TPM3: variants seen among roughly 807,000 people sequenced by gnomAD.
The protein encoded by TPM3 is tropomyosin 3.
In TPM3, 16 loss-of-function variants were observed where a neutral mutation model predicts 43.1. The observed-to-expected ratio is 0.37, with a 90% confidence interval of 0.25 to 0.56. The LOEUF (loss-of-function observed/expected upper bound fraction) is 0.56, where lower values mean the gene tolerates loss of function less well. TPM3 is among the 20% of genes least tolerant of loss of function. The pLI is 0.77. For synonymous variants in TPM3, 101 were observed against 116.9 expected (o/e 0.86, Z 0.88); for missense variants, 176 against 337.2 (o/e 0.52, Z 3.74).
In TPM3 at chr1:154,167,538, G is replaced by C; in HGVS notation, c.*399C>G. The C allele has an allele frequency of 9.0e-7, 1 of 1,106,742 alleles. No homozygotes were observed. The highest frequency in any genetic ancestry group is 1.1e-6 in the Non-Finnish European group (1 of 903,302). 68.6% of individuals were successfully genotyped at this position (1,106,742 alleles called of 1,614,324 possible). A position where few individuals can be genotyped will look rare whatever the true frequency, so the allele number is the denominator to read the frequency against. On this transcript the variant is annotated 3_prime_UTR_variant, in exon 10 of 10. Coordinates refer to ENST00000651641, the MANE Select transcript of TPM3 (RefSeq NM_152263.4). ...AGTATAACTAAAATTACTATCCTGA[G>C]TAACCTGTACTAAATCCATCACTCT...
In TPM3 at chr1:154,164,810, G is replaced by A. The variant is rs1334200763; in HGVS notation, c.*3127C>T. On this transcript the variant is annotated 3_prime_UTR_variant, in exon 10 of 10. Coordinates refer to ENST00000651641, the MANE Select transcript of TPM3 (RefSeq NM_152263.4). ...AATATGGAAAAAGCCATCAAAAATG[G>A]TAACATAAATGGCTGAAATGTGAGA... is the stretch of plus-strand genomic sequence containing the variant. Among the ~76,000 whole-genome samples, 1 of 152,180 alleles carries A rather than the reference G, an allele frequency of 6.6e-6. No individual in the cohort carries two copies. The highest frequency in any genetic ancestry group is 1.5e-5 in the Non-Finnish European group (1 of 68,028).
chr1:154,176,330 G>C, intron 2 of TPM3, 82 bp from the exon 3 acceptor site: 1 of 1,601,148 alleles, frequency 6.2e-7, no homozygotes, highest in Non-Finnish European at 8.5e-7. Flanking sequence ...GATCAGGGTT[G>C]ACTACCATGA....
Position 154,164,500 on chromosome 1 carries a change from C to G in TPM3, c.*3437G>C, listed in dbSNP as rs1287037467. On this transcript the variant is annotated 3_prime_UTR_variant, in exon 10 of 10. Coordinates refer to ENST00000651641, the MANE Select transcript of TPM3 (RefSeq NM_152263.4). The stretch of plus-strand genomic sequence containing the variant: ...AAAACCAGTCATCCTTGTCTTTCCT[C>G]CTCACATCAAGTGGCCAGGCCTTTC... 6.6e-6 allele frequency among the ~76,000 whole-genome samples: 1 copy of G among 152,158 alleles called. No individual in the cohort carries two copies. Among genetic ancestry groups the G allele is most frequent in the Non-Finnish European group, 1.5e-5 (1 of 68,026 alleles).
intron 2 of TPM3, chr1:154,183,287 G>A (rs371535834): frequency 3.7e-5 from 56 of 1,507,264 alleles, no homozygotes; most frequent in Middle Eastern, 2.3e-4. Flanking sequence ...AGGCAGGCGG[G>A]AAGGCAGTCC....
Position 154,162,260 on chromosome 1 carries a change from G to A in TPM3, c.*5677C>T, listed in dbSNP as rs1660450018. ...CGTGCCTGTAATCCCAGCTATTCAG[G>A]AGGCTGAGGCAGGAGGATCACTTAA... On this transcript the variant is annotated 3_prime_UTR_variant, in exon 10 of 10. Transcript: ENST00000651641. Among the ~76,000 whole-genome samples the A allele has an allele frequency of 6.6e-6, 1 of 150,760 alleles. No individual in the cohort carries two copies. The highest frequency in any genetic ancestry group is 1.5e-5 in the Non-Finnish European group (1 of 67,884).
At chr1:154,172,723 C>T (rs1001275694) in intron 5 of TPM3, 185 bp downstream of exon 5, 2 of 729,442 alleles carry the variant, frequency 2.7e-6, no homozygotes, top group African/African-American at 3.5e-5. Context: ...TGTCACTTGT[C>T]ACTAGTCAGG....
intron 5 of TPM3, chr1:154,172,340 C>T (rs779506096): frequency 4.8e-5 from 33 of 684,964 alleles, no homozygotes; most frequent in East Asian, 1.2e-4. Flanking sequence ...AAGGTACCGA[C>T]GGGAGAGCAG....
intron 3 of TPM3, among the ~76,000 whole-genome samples, chr1:154,175,853 G>T (rs1458486780): frequency 6.6e-6 from 1 of 152,148 alleles, no homozygotes; most frequent in Non-Finnish European, 1.5e-5. Context: ...GATGGAGTTA[G>T]TATTTTATTT....
intron 2 of TPM3, among the ~76,000 whole-genome samples, chr1:154,180,921 T>C (rs921242913): frequency 1.3e-5 from 2 of 149,882 alleles, no homozygotes; most frequent in Admixed American, 6.6e-5. Context: ...CAAGTCTCCA[T>C]CTAAAAAAAA....
chr1:154,157,628 A>C (rs918394942), downstream of TPM3: 2 of 776,676 alleles, frequency 2.6e-6, no homozygotes, highest in Non-Finnish European at 2.4e-6. Flanking sequence ...GCAGGGTGGG[A>C]CTGGGGCGTT....
At chr1:154,175,878 A>G (rs973721856) in intron 3 of TPM3, among the ~76,000 whole-genome samples, 13 of 152,178 alleles carry the variant, frequency 8.5e-5, no homozygotes, top group African/African-American at 3.1e-4. Context: ...TGACTGATTG[A>G]CACAGGGTCT....
chr1:154,168,917 C>T (rs1354151958), intron 9 of TPM3, among the ~76,000 whole-genome samples: 1 of 151,806 alleles, frequency 6.6e-6, no homozygotes, highest in African/African-American at 2.4e-5. Context: ...TCACTGTAAC[C>T]TCTGCCTCCC....
At position 154,167,820 on chromosome 1, in the gene TPM3, C is replaced by G; in HGVS notation, c.*117G>C. On this transcript the variant is annotated 3_prime_UTR_variant, in exon 10 of 10. Coordinates refer to ENST00000651641, the MANE Select transcript of TPM3 (RefSeq NM_152263.4). ...CATAAGTTGCTTTTTGCTCCCCCAT[C>G]CTAATGCCTTGGGGACCAGCCAGGC... The G allele has an allele frequency of 6.2e-7, 1 of 1,607,154 alleles. No homozygotes were observed. The highest frequency in any genetic ancestry group is 8.5e-7 in the Non-Finnish European group (1 of 1,176,408).
chr1:154,189,873 G>A lies in TPM3; in HGVS notation c.243+1313C>T, dbSNP rs114728393. 3.6e-3 allele frequency among the ~76,000 whole-genome samples: 540 copies of A among 151,124 alleles called. 4 individuals are homozygous for A. The highest frequency in any genetic ancestry group is 0.013 in the African/African-American group (522 of 41,134). On this transcript the variant is annotated intron_variant, in intron 2 of 9. Transcript: ENST00000651641. ...GCAGAGAGACCAAATATGAGGATCC[G>A]AAAGCATTTATGAATGGTTCACTCT... is the stretch of plus-strand genomic sequence containing the variant.
intron 2 of TPM3, among the ~76,000 whole-genome samples, chr1:154,181,868 C>G (rs1297686102): frequency 2.0e-5 from 3 of 152,086 alleles, no homozygotes; most frequent in African/African-American, 7.2e-5. Flanking sequence ...TTGCAATGAG[C>G]CGAGATCATG....
chr1:154,171,133 A>G (rs1661529776), intron 6 of TPM3: 1 of 582,088 alleles, frequency 1.7e-6, no homozygotes, highest in Non-Finnish European at 3.1e-6. Context: ...TCTGTCTGCT[A>G]GAAAGCCTGT....
intron 2 of TPM3, chr1:154,183,366 C>A: frequency 7.4e-7 from 1 of 1,348,234 alleles, no homozygotes; most frequent in Non-Finnish European, 9.8e-7. Context: ...CCGGCCTTAC[C>A]TTGGGCCAGT....
chr1:154,190,156 G>A, intron 2 of TPM3, among the ~76,000 whole-genome samples: 1 of 152,264 alleles, frequency 6.6e-6, no homozygotes, highest in East Asian at 1.9e-4. Context: ...TGGCCAGGCT[G>A]GTCTCAAACT....
At chr1:154,177,946 C>A (rs764634472) in intron 2 of TPM3, among the ~76,000 whole-genome samples, 18 of 152,204 alleles carry the variant, frequency 1.2e-4, no homozygotes, top group Non-Finnish European at 2.2e-4. Context: ...AACTACACTA[C>A]TCAAAACACC....
Sources: allele counts gnomAD v4.1 joint callset (sites outside exome capture counted in the v4.1 genomes callset), GRCh38; gene constraint gnomAD v4.1.1; transcripts MANE v1.5; gene names NCBI Gene and HGNC (gene_info 2026-07-23, HGNC 2026-07-21).